Variants in METTL24 observed in about 807,000 individuals in gnomAD.
METTL24 encodes probable methyltransferase-like protein 24.
METTL24 carries 29 observed loss-of-function variants against 32.7 expected under a neutral mutation model. The ratio of observed to expected loss-of-function variants is 0.89; its 90% CI spans 0.66 to 1.21. The LOEUF (loss-of-function observed/expected upper bound fraction) is 1.21. Among genes scored for constraint, METTL24 ranks in the 50% most tolerant of loss-of-function variants. The probability of loss-of-function intolerance (pLI) is 0.00; values close to 1 mark genes in which losing one functional copy is unlikely to be tolerated. For synonymous variants in METTL24, 163 were observed against 179.5 expected, an observed-to-expected ratio of 0.91 and a Z score of 0.73; for missense variants, 439 against 468.1, an observed-to-expected ratio of 0.94 and a Z score of 0.57.
chr6:110,322,744 TCTC>T, intron 2 of METTL24, 27 bp downstream of exon 2: 1 of 1,574,134 alleles, frequency 6.4e-7, no homozygotes, highest in Non-Finnish European at 8.7e-7. Flanking sequence ...TTCACATTCT[TCTC>T]TAACTTCTTT....
At chr6:110,357,884 G>T (rs1472073414) in intron 1 of METTL24, 71 bp downstream of exon 1, 2 of 916,674 alleles carry the variant, frequency 2.2e-6, no homozygotes, top group Non-Finnish European at 2.8e-6. Flanking sequence ...GGACCTGAGC[G>T]CCGGGCTCCG....
At chr6:110,319,970 C>T (rs1771903518) in intron 2 of METTL24, among the ~76,000 whole-genome samples, 2 of 152,110 alleles carry the variant, frequency 1.3e-5, no homozygotes, top group African/African-American at 4.8e-5. Flanking sequence ...TTAGAGAACA[C>T]CCAACTCTCT....
At chr6:110,246,950 T>TAAA (rs5879062) in intron 4 of METTL24, among the ~76,000 whole-genome samples, 8 of 143,248 alleles carry the variant, frequency 5.6e-5, no homozygotes, top group African/African-American at 1.8e-4. Flanking sequence ...ATAGCATTCT[T>TAAA]AAAAAAAAAA....
chr6:110,300,178 G>A (rs1043806753), intron 3 of METTL24, among the ~76,000 whole-genome samples: 7 of 152,072 alleles, frequency 4.6e-5, no homozygotes, highest in African/African-American at 1.4e-4. Context: ...GGATGCAGGA[G>A]CCTACTGATA....
At chr6:110,251,358 G>A (rs1778275291) in intron 4 of METTL24, among the ~76,000 whole-genome samples, 1 of 152,120 alleles carries the variant, frequency 6.6e-6, no homozygotes, top group Non-Finnish European at 1.5e-5. Context: ...TCATCAGAAT[G>A]TTTTTAAAGA....
chr6:110,328,618 A>G (rs1772058120), intron 1 of METTL24, among the ~76,000 whole-genome samples: 1 of 152,322 alleles, frequency 6.6e-6, no homozygotes, highest in African/African-American at 2.4e-5. Flanking sequence ...GAAAAAAAGA[A>G]AGTGATTCTC....
chr6:110,336,188 TG>T (rs1476291891), intron 1 of METTL24, among the ~76,000 whole-genome samples: 5 of 152,212 alleles, frequency 3.3e-5, no homozygotes, highest in Admixed American at 1.3e-4. Context: ...GGAAAGGATT[TG>T]GGCCTTTCTG....
chr6:110,338,171 C>T (rs908516605), intron 1 of METTL24, among the ~76,000 whole-genome samples: 4 of 152,166 alleles, frequency 2.6e-5, no homozygotes, highest in Non-Finnish European at 5.9e-5. Context: ...AATATACATA[C>T]TCTTTCTTTG....
intron 2 of METTL24, among the ~76,000 whole-genome samples, chr6:110,321,095 G>T (rs979114693): frequency 6.6e-5 from 10 of 152,196 alleles, no homozygotes; most frequent in African/African-American, 2.4e-4. Flanking sequence ...AAATTAGTCG[G>T]GCATGGTGAC....
intron 1 of METTL24, among the ~76,000 whole-genome samples, chr6:110,326,524 C>A (rs966275819): frequency 1.3e-5 from 2 of 152,148 alleles, no homozygotes; most frequent in Non-Finnish European, 2.9e-5. Flanking sequence ...AGATTATAAC[C>A]AATGTTGTTA....
intron 3 of METTL24, among the ~76,000 whole-genome samples, chr6:110,303,390 A>G (rs1771572335): frequency 6.6e-6 from 1 of 152,170 alleles, no homozygotes; most frequent in African/African-American, 2.4e-5. Context: ...ACCCCCAAGG[A>G]GCCCAGCAAG....
At chr6:110,339,172 C>T (rs1014493929) in intron 1 of METTL24, among the ~76,000 whole-genome samples, 16 of 152,162 alleles carry the variant, frequency 1.1e-4, no homozygotes, top group African/African-American at 3.9e-4. Flanking sequence ...TTCTTCAACA[C>T]ATACTGCAGT....
chr6:110,343,690 C>T (rs1772409207), intron 1 of METTL24, among the ~76,000 whole-genome samples: 1 of 151,964 alleles, frequency 6.6e-6, no homozygotes, highest in Non-Finnish European at 1.5e-5. Context: ...AACAATGGAG[C>T]AGGGGCCTAA....
chr6:110,339,539 G>A (rs536453691), intron 1 of METTL24, among the ~76,000 whole-genome samples: 46 of 152,286 alleles, frequency 3.0e-4, no homozygotes, highest in African/African-American at 1.1e-3. Flanking sequence ...TTTTACAAGT[G>A]TCAAATTCTT....
intron 4 of METTL24, among the ~76,000 whole-genome samples, chr6:110,268,365 T>C (rs753164013): frequency 6.6e-6 from 1 of 152,202 alleles, no homozygotes; most frequent in Non-Finnish European, 1.5e-5. Flanking sequence ...TCTTGCAGCA[T>C]GTTCTTAACA....
chr6:110,335,889 T>C (rs928366437), intron 1 of METTL24, among the ~76,000 whole-genome samples: 1 of 152,210 alleles, frequency 6.6e-6, no homozygotes, highest in Non-Finnish European at 1.5e-5. Context: ...GCTGGTCCCA[T>C]ACTTGCTCCA....
chr6:110,327,135 C>A (rs1355293377), intron 1 of METTL24, among the ~76,000 whole-genome samples: 1 of 152,176 alleles, frequency 6.6e-6, no homozygotes, highest in Non-Finnish European at 1.5e-5. Flanking sequence ...CAAAAAGGTA[C>A]AGCGCCTGAG....
At chr6:110,311,515 C>T (rs1771723267) in intron 3 of METTL24, among the ~76,000 whole-genome samples, 2 of 144,240 alleles carry the variant, frequency 1.4e-5, no homozygotes, top group South Asian at 4.4e-4. Flanking sequence ...GCTCTGTCAC[C>T]CAGGCTGGAG....
At chr6:110,342,124 GGTCAGT>G (rs1170814750) in intron 1 of METTL24, among the ~76,000 whole-genome samples, 1 of 152,222 alleles carries the variant, frequency 6.6e-6, no homozygotes, top group African/African-American at 2.4e-5. Context: ...ACCCCCTGGT[GGTCAGT>G]GTCAGTGCTT....
Sources: gnomAD v4.1 joint callset for allele counts (sites outside exome capture counted in the v4.1 genomes callset) on GRCh38, gnomAD v4.1.1 for gene constraint, MANE v1.5 for transcripts, NCBI Gene and HGNC (gene_info 2026-07-23, HGNC 2026-07-21) for gene names.